Variants in OPA1 observed in about 807,000 individuals in gnomAD.
OPA1 encodes the protein OPA1 mitochondrial dynamin like GTPase.
OPA1 carries 59 observed loss-of-function variants against 152.9 expected under a neutral mutation model. That is an observed-to-expected ratio of 0.39 (90% CI 0.31 to 0.48). OPA1 has a LOEUF of 0.48. Among genes scored for constraint, OPA1 ranks in the 20% least tolerant of loss-of-function variants. OPA1 has a pLI of 0.96. For synonymous variants in OPA1, 400 were observed against 389.9 expected (o/e 1.03, Z -0.31); for missense variants, 1,008 against 1,216.8 (o/e 0.83, Z 2.55).
At chr3:193,682,231 A>G (rs1720262202) in intron 29 of OPA1, among the ~76,000 whole-genome samples, 1 of 152,244 alleles carries the variant, frequency 6.6e-6, no homozygotes, top group South Asian at 2.1e-4. Context: ...AATCCAGAGC[A>G]AGTTCCTAAC....
chr3:193,673,990 C>A (rs1434200905), intron 29 of OPA1, among the ~76,000 whole-genome samples: 1 of 152,240 alleles, frequency 6.6e-6, no homozygotes, highest in Non-Finnish European at 1.5e-5. Context: ...CGCGAGGTGG[C>A]AACAGCTGGC....
intron 29 of OPA1, among the ~76,000 whole-genome samples, chr3:193,679,735 A>G (rs1269915548): frequency 6.6e-6 from 1 of 152,196 alleles, no homozygotes; most frequent in Non-Finnish European, 1.5e-5. Context: ...ATCTATAACA[A>G]TGAATTTGCC....
At chr3:193,638,810 C>T (rs929976735) in intron 11 of OPA1, among the ~76,000 whole-genome samples, 3 of 152,114 alleles carry the variant, frequency 2.0e-5, no homozygotes, top group African/African-American at 7.2e-5. Flanking sequence ...AAACAGAATG[C>T]TTGAAATAGA....
intron 9 of OPA1, among the ~76,000 whole-genome samples, 162 bp downstream of exon 9, chr3:193,635,684 A>G (rs571146580): frequency 1.1e-4 from 17 of 152,184 alleles, no homozygotes; most frequent in Non-Finnish European, 2.1e-4. Flanking sequence ...AAGACATTTT[A>G]TAAGTTGTAG....
intron 29 of OPA1, among the ~76,000 whole-genome samples, chr3:193,671,882 C>T (rs1208322975): frequency 1.3e-5 from 2 of 152,174 alleles, no homozygotes; most frequent in African/African-American, 4.8e-5. Flanking sequence ...CACTGAGTTA[C>T]CTCATGGATA....
At chr3:193,630,294 G>C (rs1160084508) in intron 7 of OPA1, among the ~76,000 whole-genome samples, 1 of 152,056 alleles carries the variant, frequency 6.6e-6, no homozygotes, top group East Asian at 1.9e-4. Context: ...AACAATTGAA[G>C]TTTGCATTAT....
Position 193,615,737 on chromosome 3 carries a change from A to G in OPA1, c.415A>G (p.Ile139Val), listed in dbSNP as rs2108869216. 1.9e-6 allele frequency: 3 copies of G among 1,612,202 alleles called. 1 individual carries two copies. The South Asian group carries it at 3.3e-5, about 18-fold the overall frequency. Reference protein sequence around the residue: ...LSEYKWIVPDIVWEIDEYIDF... With the variant: ...LSEYKWIVPDVVWEIDEYIDF... ...TGAATATAAATGGATTGTGCCTGAC[A>G]TTGTGTGGGAAATTGATGAGTATAT... Residue 139 changes from isoleucine to valine, a missense_variant, in exon 3 of 31, where the codon ATT becomes GTT. Coordinates refer to ENST00000361510, the MANE Select transcript of OPA1 (RefSeq NM_130837.3).
intron 1 of OPA1, among the ~76,000 whole-genome samples, chr3:193,594,040 G>A (rs78244261): frequency 0.014 from 2,181 of 152,182 alleles, 51 homozygotes; most frequent in African/African-American, 0.048. Context: ...TTTGATGCAA[G>A]GTCGTGAACG....
At chr3:193,687,323 A>G (rs1721058118) in intron 29 of OPA1, among the ~76,000 whole-genome samples, 1 of 152,226 alleles carries the variant, frequency 6.6e-6, no homozygotes, top group South Asian at 2.1e-4. Flanking sequence ...GAAATAGCTC[A>G]TCTTTTAAGT....
chr3:193,675,350 A>T (rs571555), intron 29 of OPA1, among the ~76,000 whole-genome samples: 1 of 150,452 alleles, frequency 6.6e-6, no homozygotes, highest in Non-Finnish European at 1.5e-5. Flanking sequence ...AAAAAAAAAA[A>T]CACCCAATCA....
intron 1 of OPA1, among the ~76,000 whole-genome samples, chr3:193,603,718 C>T (rs1374976738): frequency 9.2e-5 from 14 of 152,188 alleles, no homozygotes; most frequent in Admixed American, 9.2e-4. Context: ...TTGAAGAGTT[C>T]GCTTCTCTAT....
At chr3:193,678,714 G>A (rs888591684) in intron 29 of OPA1, among the ~76,000 whole-genome samples, 2 of 152,152 alleles carry the variant, frequency 1.3e-5, no homozygotes, top group African/African-American at 4.8e-5. Flanking sequence ...TTGTAGCATA[G>A]CATGTACTGA....
chr3:193,668,512 CG>C (rs1005930916), intron 29 of OPA1: 78 of 1,549,734 alleles, frequency 5.0e-5, no homozygotes, highest in Non-Finnish European at 6.8e-5. Context: ...CCTTCCCACC[CG>C]CTAGCCTCTG....
chr3:193,615,152 T>C (rs1728823590), intron 2 of OPA1, 111 bp downstream of exon 2: 1 of 864,796 alleles, frequency 1.2e-6, no homozygotes, highest in Admixed American at 1.9e-5. Context: ...ACATTTATTT[T>C]GTGTCTCTAC....
In OPA1 at chr3:193,642,782, T is replaced by A. The variant is rs761136763; in HGVS notation, c.1167T>A (p.Gly389=). The A allele has an allele frequency of 6.2e-7, 1 of 1,612,688 alleles. No homozygotes were observed. The highest frequency in any genetic ancestry group is 2.2e-5 in the East Asian group (1 of 44,852). Residue 389 remains glycine (G), a synonymous_variant, in exon 12 of 31, where the codon GGT becomes GGA. Coordinates refer to ENST00000361510, the MANE Select transcript of OPA1 (RefSeq NM_130837.3). ...ACTATCAGGTGACTCTGAGTGAAGG[T>A]CCTCACCATGTGGCCCTATTTAAAG... ...RSPVKVTLSE[G]PHHVALFKDS...
intron 1 of OPA1, among the ~76,000 whole-genome samples, chr3:193,610,856 T>C (rs551263515): frequency 6.6e-4 from 101 of 152,366 alleles, no homozygotes; most frequent in Non-Finnish European, 1.2e-3. Context: ...TATAGTCTCC[T>C]GGTGTGCTGT....
intron 11 of OPA1, among the ~76,000 whole-genome samples, chr3:193,641,795 A>G (rs1407381452): frequency 6.6e-6 from 1 of 152,234 alleles, no homozygotes; most frequent in East Asian, 1.9e-4. Flanking sequence ...TTCTTGTGAA[A>G]CCACTGACTG....
chr3:193,662,700 T>G (rs1288513470), intron 25 of OPA1, 122 bp from the exon 26 acceptor site: 4 of 793,564 alleles, frequency 5.0e-6, no homozygotes, highest in Middle Eastern at 3.0e-4. Flanking sequence ...CTTTCTTGTT[T>G]GTTGTGATTA....
intron 1 of OPA1, among the ~76,000 whole-genome samples, chr3:193,595,053 AT>A (rs1725289155): frequency 6.6e-6 from 1 of 152,244 alleles, no homozygotes; most frequent in African/African-American, 2.4e-5. Flanking sequence ...GGGCTAAATT[AT>A]TTCTAAAGTT....
Sources: allele counts gnomAD v4.1 joint callset (sites outside exome capture counted in the v4.1 genomes callset), GRCh38; gene constraint gnomAD v4.1.1; transcripts MANE v1.5; gene names NCBI Gene and HGNC (gene_info 2026-07-23, HGNC 2026-07-21).